Variants in HS1BP3 observed in about 807,000 individuals in gnomAD.
HS1BP3 encodes the protein HCLS1-binding protein 3.
In HS1BP3, 32 loss-of-function variants were observed where a neutral mutation model predicts 33.5. The observed-to-expected ratio is 0.95, with a 90% confidence interval of 0.72 to 1.28. The LOEUF (loss-of-function observed/expected upper bound fraction) is 1.28. Ranked by LOEUF, HS1BP3 falls within the 50% of genes most tolerant of loss-of-function variation. HS1BP3 has a pLI of 0.00. For missense variants in HS1BP3, 486 were observed against 502.3 expected (o/e 0.97, Z 0.31); for synonymous variants, 187 against 209.2 (o/e 0.89, Z 0.92).
rs551248175 is a variant in HS1BP3 at position 20,618,530 on chromosome 2, G to A, written c.*457C>T. On this transcript the variant is annotated 3_prime_UTR_variant, in exon 7 of 7. Transcript: ENST00000304031. ...AGGGTAGGGGAAGGGGAGGATACCG[G>A]TCACTCCTTCTTACTATGCGAACAG... The A allele has an allele frequency of 1.9e-3, 355 of 182,400 alleles. No individual in the cohort carries two copies. Among genetic ancestry groups the A allele is most frequent in the Non-Finnish European group, 3.1e-3 (286 of 93,332 alleles). 11.3% of individuals were successfully genotyped at this position (182,400 alleles called of 1,614,324 possible).
rs35644786 is a variant in HS1BP3 at position 20,601,770 on chromosome 2, CTTTTTTT to C, written c.179-3512_179-3506del. On this transcript the variant is annotated intron_variant, in intron 2 of 3. Transcript: ENST00000415264. ...ATCACCCAGTTTTCAAGTGTGTCTTCTTTTTTTTTTTTTTTTTTTTTTTTTTGAGACG... is the reference window on the plus strand; with the variant it reads ...ATCACCCAGTTTTCAAGTGTGTCTTCTTTTTTTTTTTTTTTTTTTGAGACG... Among the ~76,000 whole-genome samples the C allele has an allele frequency of 9.5e-3, 658 of 69,130 alleles. 4 individuals carry two copies. The highest frequency in any genetic ancestry group is 0.033 in the African/African-American group (599 of 18,208). The allele number at this position is 69,130 out of a possible 152,430, so 45.4% of individuals were successfully genotyped here. A position where few individuals can be genotyped will look rare whatever the true frequency, so the allele number is the denominator to read the frequency against.
chr2:20,623,985 C>T lies in HS1BP3; in HGVS notation c.831G>A (p.Leu277=), dbSNP rs1336512348. The T allele has an allele frequency of 6.2e-7, 1 of 1,612,350 alleles. No individual in the cohort carries two copies. ...CGGCTGGCAGCAGGAGGGAGTCACC[C>T]AGGGGGATGGCCCCGCCGAGGTCAG... The part of the protein sequence containing the change: ...DDPDLGGAIP[L]GDSLLLPAAC... Residue 277 remains leucine, a synonymous_variant, in exon 6 of 7, where the codon CTG becomes CTA. Transcript: ENST00000304031.
intron 4 of HS1BP3, chr2:20,637,038 C>CACCA (rs1553322970): frequency 3.3e-4 from 47 of 141,432 alleles, no homozygotes; most frequent in African/African-American, 1.2e-3. Context: ...GCCCCCGCCC[C>CACCA]CCCCGCCCCG....
chr2:20,619,837 A>G (rs916224668), intron 6 of HS1BP3, among the ~76,000 whole-genome samples: 1 of 152,202 alleles, frequency 6.6e-6, no homozygotes, highest in Admixed American at 6.5e-5. Flanking sequence ...AGAAAGAATA[A>G]CCAGGGGCGC....
rs1407268086 is a variant in HS1BP3, at chr2:20,645,353, A to G, written c.185T>C (p.Val62Ala). Reference sequence around the variant, plus strand: ...CCTCCGGCTCACCAAGAACTGGACGACATCCTCGGGCCTGTGCTTGGCCGA... The same window carrying G: ...CCTCCGGCTCACCAAGAACTGGACGGCATCCTCGGGCCTGTGCTTGGCCGA... The part of the protein sequence containing the change: ...FKSAKHRPED[V>A]VQFLVSKKYS... Residue 62 changes from valine (V) to alanine (A), a missense_variant, in exon 2 of 7, where the codon GTC (valine) becomes GCC (alanine). Transcript: ENST00000304031. The G allele has an allele frequency of 3.1e-6, 5 of 1,613,668 alleles. No individual in the cohort carries two copies. The highest frequency in any genetic ancestry group is 4.2e-6 in the Non-Finnish European group (5 of 1,179,864).
chr2:20,608,346 G>A (rs1157134009), intron 2 of HS1BP3, among the ~76,000 whole-genome samples: 6 of 152,034 alleles, frequency 3.9e-5, no homozygotes, highest in Admixed American at 6.5e-5. Context: ...AGGCCGATGC[G>A]GGAGGATCAC....
intron 5 of HS1BP3, among the ~76,000 whole-genome samples, chr2:20,571,931 G>A (rs1372168480): frequency 2.0e-5 from 3 of 152,234 alleles, no homozygotes; most frequent in Admixed American, 6.5e-5. Context: ...GGCCAGGAAT[G>A]GAGATTCCCC....
chr2:20,599,820 A>C (rs575574065), intron 2 of HS1BP3, among the ~76,000 whole-genome samples: 1 of 152,292 alleles, frequency 6.6e-6, no homozygotes, highest in African/African-American at 2.4e-5. Flanking sequence ...CCTGTGCCTC[A>C]GTTTCCCCAT....
intron 5 of HS1BP3, among the ~76,000 whole-genome samples, chr2:20,568,653 G>A (rs1401823476): frequency 6.6e-6 from 1 of 152,142 alleles, no homozygotes; most frequent in African/African-American, 2.4e-5. Context: ...GTCTGTGGCA[G>A]CAGCTCCTGG....
chr2:20,614,994 G>A (rs1444054265), downstream of HS1BP3, among the ~76,000 whole-genome samples: 1 of 152,252 alleles, frequency 6.6e-6, no homozygotes, highest in Non-Finnish European at 1.5e-5. Context: ...GCCTGGCATA[G>A]AAGTCAGTGG....
At chr2:20,570,210 G>A (rs527794100) in intron 5 of HS1BP3, among the ~76,000 whole-genome samples, 1 of 152,198 alleles carries the variant, frequency 6.6e-6, no homozygotes, top group East Asian at 1.9e-4. Flanking sequence ...TTTAGGCTGG[G>A]ACACCAGAAT....
chr2:20,602,444 G>T (rs559130000), intron 2 of HS1BP3, among the ~76,000 whole-genome samples: 2 of 151,590 alleles, frequency 1.3e-5, no homozygotes, highest in African/African-American at 4.8e-5. Flanking sequence ...TTTATTTATG[G>T]TATCTTTTTG....
chr2:20,592,833 T>G (rs1034724593), intron 3 of HS1BP3: 5 of 152,278 alleles, frequency 3.3e-5, no homozygotes, highest in African/African-American at 4.8e-5. Flanking sequence ...TAACACAGGA[T>G]GATCTCATCT....
At chr2:20,558,347 G>A (rs1220827303), downstream of HS1BP3, among the ~76,000 whole-genome samples, 4 of 152,136 alleles carry the variant, frequency 2.6e-5, no homozygotes, top group South Asian at 4.1e-4. Context: ...AACCGCTTGC[G>A]GCCCCTCTCT....
chr2:20,558,284 G>A (rs574343160), downstream of HS1BP3, among the ~76,000 whole-genome samples: 26 of 152,292 alleles, frequency 1.7e-4, no homozygotes, highest in South Asian at 3.9e-3. Flanking sequence ...GGAAGGGGTC[G>A]CCAGATGGGA....
chr2:20,563,088 A>C (rs575693969), intron 5 of HS1BP3, among the ~76,000 whole-genome samples: 1 of 152,356 alleles, frequency 6.6e-6, no homozygotes, highest in East Asian at 1.9e-4. Context: ...GAGAACCCTC[A>C]GTGCAGAGAG....
At chr2:20,638,715 G>A in intron 3 of HS1BP3, 63 bp from the exon 4 acceptor site, 1 of 1,289,224 alleles carries the variant, frequency 7.8e-7, no homozygotes, top group East Asian at 2.3e-5. Flanking sequence ...GAGGCATCTT[G>A]CCACACTGCA....
At chr2:20,590,697 G>A (rs1693793086), downstream of HS1BP3, 1 of 152,868 alleles carries the variant, frequency 6.5e-6, no homozygotes, top group African/African-American at 2.4e-5. Context: ...AGTCAACCCA[G>A]TGTGGATCCA....
chr2:20,564,495 G>A (rs542032999), intron 5 of HS1BP3, among the ~76,000 whole-genome samples: 1 of 151,882 alleles, frequency 6.6e-6, no homozygotes, highest in Non-Finnish European at 1.5e-5. Flanking sequence ...TTTTGTTTTT[G>A]TTTTTTTGAG....
Sources: gnomAD v4.1 joint callset for allele counts (sites outside exome capture counted in the v4.1 genomes callset) on GRCh38, gnomAD v4.1.1 for gene constraint, MANE v1.5 for transcripts, NCBI Gene and HGNC (gene_info 2026-07-23, HGNC 2026-07-21) for gene names.